ESRRG: variants seen among roughly 807,000 people sequenced by gnomAD.
The protein encoded by ESRRG is estrogen related receptor gamma.
A neutral mutation model predicts 44.0 loss-of-function variants in ESRRG; 13 were observed. The observed-to-expected ratio is 0.30, with a 90% CI of 0.19 to 0.47. ESRRG has a LOEUF of 0.47. Among genes scored for constraint, ESRRG ranks in the 20% least tolerant of loss-of-function variants. The pLI is 1.00. For synonymous variants in ESRRG, 215 were observed against 214.6 expected (o/e 1.00, Z -0.02); for missense variants, 395 against 580.6 (o/e 0.68, Z 3.29).
At chr1:216,854,162 T>A (rs2095882000) in intron 2 of ESRRG, among the ~76,000 whole-genome samples, 1 of 151,804 alleles carries the variant, frequency 6.6e-6, no homozygotes, top group Non-Finnish European at 1.5e-5. Flanking sequence ...ATGGAGACCA[T>A]CCTGGCCAAC....
chr1:216,547,522 C>T lies in ESRRG; in HGVS notation c.862+16697G>A, dbSNP rs2054919283. 2.0e-5 allele frequency among the ~76,000 whole-genome samples: 3 copies of T among 152,188 alleles called. No individual in the cohort carries two copies. The Middle Eastern group carries it at 0.01, about 521-fold the overall frequency. ...GTACAATTAATTGTCCAGAGGCACACATTTAATGGGGCTGCACATACACGT... is the reference window on the plus strand; with the variant it reads ...GTACAATTAATTGTCCAGAGGCACATATTTAATGGGGCTGCACATACACGT... On this transcript the variant is annotated intron_variant, in intron 5 of 6. Transcript: ENST00000408911.
At chr1:217,076,244 G>T (rs1049068648) in intron 1 of ESRRG, among the ~76,000 whole-genome samples, 3 of 152,132 alleles carry the variant, frequency 2.0e-5, no homozygotes, top group African/African-American at 7.2e-5. Flanking sequence ...CATGCATGCT[G>T]TGTACTGACT....
At chr1:216,764,268 C>A (rs1413754290) in intron 2 of ESRRG, among the ~76,000 whole-genome samples, 2 of 150,292 alleles carry the variant, frequency 1.3e-5, no homozygotes, top group African/African-American at 2.5e-5. Flanking sequence ...AGGCTGGACT[C>A]TTTTACTCTT....
chr1:217,021,548 G>A (rs2080328992), intron 1 of ESRRG, among the ~76,000 whole-genome samples: 1 of 152,122 alleles, frequency 6.6e-6, no homozygotes, highest in African/African-American at 2.4e-5. Context: ...TCAGGTCTAG[G>A]GTAGCTGTTA....
intron 2 of ESRRG, among the ~76,000 whole-genome samples, chr1:216,792,093 T>C (rs1247510205): frequency 6.6e-6 from 1 of 152,178 alleles, no homozygotes; most frequent in African/African-American, 2.4e-5. Context: ...AACATATGCA[T>C]CTAAAATATC....
intron 1 of ESRRG, among the ~76,000 whole-genome samples, chr1:216,970,278 C>T (rs1257772887): frequency 6.6e-6 from 1 of 152,130 alleles, no homozygotes; most frequent in Non-Finnish European, 1.5e-5. Flanking sequence ...AATGATAAAC[C>T]AATTTGAATT....
intron 5 of ESRRG, among the ~76,000 whole-genome samples, chr1:216,525,359 G>A (rs2047326912): frequency 6.6e-6 from 1 of 152,076 alleles, no homozygotes; most frequent in South Asian, 2.1e-4. Flanking sequence ...TACTTACCTA[G>A]TACTTCTGAA....
chr1:216,620,750 G>A (rs987046265), intron 3 of ESRRG, among the ~76,000 whole-genome samples: 1 of 152,166 alleles, frequency 6.6e-6, no homozygotes, highest in African/African-American at 2.4e-5. Context: ...AGAAGAAGGT[G>A]CATTGCTGAT....
rs139388570 is a variant in ESRRG, at chr1:216,962,163, A to G, written c.-105-22490T>C. ...CTATGGAATAAACACAAAAGAATCA[A>G]AAGAACTAGCGAGAGAAAGAAAGTG... On this transcript the variant is annotated intron_variant, in intron 1 of 7. Coordinates refer to the ESRRG transcript ENST00000359162. 1.8e-3 allele frequency among the ~76,000 whole-genome samples: 277 copies of G among 152,318 alleles called. 3 individuals are homozygous for G. The highest frequency in any genetic ancestry group is 6.4e-3 in the African/African-American group (268 of 41,572).
At chr1:216,982,004 G>A (rs78716066) in intron 1 of ESRRG, among the ~76,000 whole-genome samples, 4 of 152,150 alleles carry the variant, frequency 2.6e-5, no homozygotes, top group Non-Finnish European at 1.5e-5. Flanking sequence ...AAGCCTGAGC[G>A]CTTCGCTGCT....
chr1:216,981,379 G>A (rs956768861), intron 1 of ESRRG, among the ~76,000 whole-genome samples: 10 of 152,098 alleles, frequency 6.6e-5, no homozygotes, highest in African/African-American at 1.7e-4. Context: ...ACTTGACTTT[G>A]CTATTCATTA....
chr1:216,890,519 C>G (rs555207314), intron 2 of ESRRG, among the ~76,000 whole-genome samples: 1 of 152,168 alleles, frequency 6.6e-6, no homozygotes. Context: ...TTAAATATAA[C>G]TGACCACTAT....
intron 2 of ESRRG, among the ~76,000 whole-genome samples, chr1:216,938,061 C>T (rs971717836): frequency 6.6e-6 from 1 of 151,948 alleles, no homozygotes; most frequent in Non-Finnish European, 1.5e-5. Flanking sequence ...GGCTCGGTGC[C>T]CCTGCCTTCA....
chr1:217,072,812 T>C (rs1282064106), intron 1 of ESRRG, among the ~76,000 whole-genome samples: 1 of 152,168 alleles, frequency 6.6e-6, no homozygotes, highest in Non-Finnish European at 1.5e-5. Flanking sequence ...TCGCAAGCCA[T>C]AGCCCTGGTT....
At chr1:217,056,729 AAAACCCCAAATCCCT>A in intron 1 of ESRRG, among the ~76,000 whole-genome samples, 1 of 151,172 alleles carries the variant, frequency 6.6e-6, no homozygotes, top group East Asian at 1.9e-4. Context: ...ACTAGATAAC[AAAACCCCAAATCCCT>A]GACAACATTT....
intron 3 of ESRRG, among the ~76,000 whole-genome samples, chr1:216,585,173 C>T (rs1195350292): frequency 2.6e-5 from 4 of 152,008 alleles, no homozygotes; most frequent in African/African-American, 7.3e-5. Flanking sequence ...ACATTTTTCA[C>T]GATTCCTTGA....
chr1:217,073,585 A>G (rs964129), intron 1 of ESRRG, among the ~76,000 whole-genome samples: 50,607 of 151,994 alleles, frequency 0.33, 8,906 homozygotes, highest in East Asian at 0.68. Context: ...TAAAGTTTCC[A>G]TTTATAAAAC....
At chr1:216,979,999 C>T (rs538635884) in intron 1 of ESRRG, among the ~76,000 whole-genome samples, 5 of 152,248 alleles carry the variant, frequency 3.3e-5, no homozygotes, top group African/African-American at 9.6e-5. Context: ...CATCACACTG[C>T]TAAACCTAAG....
At chr1:216,914,934 G>T (rs1479664563) in intron 2 of ESRRG, among the ~76,000 whole-genome samples, 1 of 152,160 alleles carries the variant, frequency 6.6e-6, no homozygotes, top group Non-Finnish European at 1.5e-5. Flanking sequence ...CAGCACAGGA[G>T]GGATTTGTTT....
Sources: gnomAD v4.1 joint callset for allele counts (sites outside exome capture counted in the v4.1 genomes callset) on GRCh38, gnomAD v4.1.1 for gene constraint, MANE v1.5 for transcripts, NCBI Gene and HGNC (gene_info 2026-07-23, HGNC 2026-07-21) for gene names.